NAALADL2: variants seen among roughly 807,000 people sequenced by gnomAD.
The protein encoded by NAALADL2 is inactive N-acetylated-alpha-linked acidic dipeptidase-like protein 2.
NAALADL2 carries 76 observed loss-of-function variants against 87.2 expected under a neutral mutation model. The observed-to-expected ratio is 0.87, with a 90% confidence interval of 0.72 to 1.05. NAALADL2 has a LOEUF of 1.05. Among genes scored for constraint, NAALADL2 ranks in the 50% least tolerant of loss-of-function variants. The pLI, the probability that NAALADL2 is intolerant of heterozygous loss-of-function variation, is 0.00. For synonymous variants in NAALADL2, 354 were observed against 331.0 expected, an observed-to-expected ratio of 1.07 and a Z score of -0.75; for missense variants, 1,089 against 945.8, an observed-to-expected ratio of 1.15 and a Z score of -1.99.
chr3:175,428,333 G>T (rs1307629025), intron 5 of NAALADL2, among the ~76,000 whole-genome samples: 1 of 152,074 alleles, frequency 6.6e-6, no homozygotes, highest in African/African-American at 2.4e-5. Context: ...TGAAATGAAG[G>T]AATTGTTTAC....
chr3:174,953,281 C>T, intron 1 of NAALADL2, among the ~76,000 whole-genome samples: 1 of 129,754 alleles, frequency 7.7e-6, no homozygotes, highest in Admixed American at 9.1e-5. Context: ...TTACTTAGGA[C>T]CCAATCTTTC....
chr3:174,898,108 G>A (rs1484378797), intron 1 of NAALADL2, among the ~76,000 whole-genome samples: 1 of 36,036 alleles, frequency 2.8e-5, no homozygotes, highest in Admixed American at 5.9e-4. Flanking sequence ...GCGAGACTCC[G>A]TCTCAAAAAA....
intron 3 of NAALADL2, among the ~76,000 whole-genome samples, chr3:175,247,287 C>CACACAT (rs3066299): frequency 0.21 from 31,283 of 151,302 alleles, 3,453 homozygotes; most frequent in Admixed American, 0.29. Context: ...CACACACACA[C>CACACAT]ATAAAACACA....
At chr3:174,791,375 A>G (rs1378206120) in intron 3 of NAALADL2, among the ~76,000 whole-genome samples, 2 of 152,186 alleles carry the variant, frequency 1.3e-5, no homozygotes, top group East Asian at 3.9e-4. Context: ...GTGCTCTTGT[A>G]AAAAAGGCCT....
At chr3:175,568,452 G>A (rs1717558386) in intron 9 of NAALADL2, among the ~76,000 whole-genome samples, 1 of 152,118 alleles carries the variant, frequency 6.6e-6, no homozygotes, top group Admixed American at 6.5e-5. Flanking sequence ...ATCCTAAAAA[G>A]GACACATTTA....
chr3:174,742,220 A>G (rs964987660), intron 3 of NAALADL2, among the ~76,000 whole-genome samples: 9 of 151,798 alleles, frequency 5.9e-5, no homozygotes, highest in African/African-American at 1.9e-4. Flanking sequence ...TTAAGATACT[A>G]TTTTGGGTAG....
intron 2 of NAALADL2, among the ~76,000 whole-genome samples, chr3:175,200,235 A>G (rs951499404): frequency 6.6e-6 from 1 of 152,070 alleles, no homozygotes; most frequent in Non-Finnish European, 1.5e-5. Flanking sequence ...GTGGGCCACA[A>G]CTGTGATCTT....
At chr3:175,149,061 T>C (rs1339407150) in intron 2 of NAALADL2, among the ~76,000 whole-genome samples, 2 of 152,190 alleles carry the variant, frequency 1.3e-5, no homozygotes, top group Non-Finnish European at 2.9e-5. Flanking sequence ...TTTAATGATA[T>C]TGATTTTTCC....
At chr3:175,596,570 T>G (rs1351731503) in intron 10 of NAALADL2, among the ~76,000 whole-genome samples, 1 of 151,962 alleles carries the variant, frequency 6.6e-6, no homozygotes, top group Non-Finnish European at 1.5e-5. Flanking sequence ...TTGCTATTCA[T>G]CTTTTGAGCG....
At chr3:174,752,272 G>C (rs542169992) in intron 3 of NAALADL2, among the ~76,000 whole-genome samples, 3 of 152,054 alleles carry the variant, frequency 2.0e-5, no homozygotes, top group Admixed American at 1.3e-4. Context: ...CACCGCGCCC[G>C]GCCCAGATCT....
chr3:174,733,488 T>G (rs1424936922), intron 2 of NAALADL2, among the ~76,000 whole-genome samples: 2 of 152,278 alleles, frequency 1.3e-5, no homozygotes, highest in African/African-American at 4.8e-5. Context: ...TATGCCATTT[T>G]AATCCAGTTA....
At chr3:174,997,840 AACAAC>A (rs1560458246) in intron 1 of NAALADL2, among the ~76,000 whole-genome samples, 5 of 151,516 alleles carry the variant, frequency 3.3e-5, no homozygotes, top group African/African-American at 1.2e-4. Context: ...AGCAAACAAC[AACAAC>A]AACAACAACA....
intron 11 of NAALADL2, among the ~76,000 whole-genome samples, chr3:175,687,871 T>C (rs995892032): frequency 6.6e-6 from 1 of 151,966 alleles, no homozygotes; most frequent in Non-Finnish European, 1.5e-5. Flanking sequence ...GATGCACCTG[T>C]TCCCCCTTCG....
At chr3:175,176,088 T>A (rs1035117658) in intron 2 of NAALADL2, among the ~76,000 whole-genome samples, 7 of 152,136 alleles carry the variant, frequency 4.6e-5, no homozygotes, top group African/African-American at 1.7e-4. Flanking sequence ...TTTATTTGAA[T>A]GTGTGCATTT....
chr3:174,446,579 A>ATG (rs954268689), intron 1 of NAALADL2, among the ~76,000 whole-genome samples: 10 of 152,016 alleles, frequency 6.6e-5, no homozygotes, highest in Non-Finnish European at 1.5e-4. Context: ...TTTAAATAGT[A>ATG]TGTGTGTGTG....
intron 5 of NAALADL2, among the ~76,000 whole-genome samples, chr3:175,436,253 T>A (rs1581876750): frequency 6.9e-6 from 1 of 145,358 alleles, no homozygotes; most frequent in South Asian, 2.2e-4. Flanking sequence ...TCTATCATTG[T>A]TGGACATTTG....
chr3:175,761,164 T>A (rs906053557), intron 13 of NAALADL2, among the ~76,000 whole-genome samples: 3 of 151,704 alleles, frequency 2.0e-5, no homozygotes, highest in African/African-American at 7.3e-5. Flanking sequence ...TGTTGCAGGG[T>A]CATATAGAAT....
chr3:174,593,935 C>T (rs1042078197), intron 2 of NAALADL2, among the ~76,000 whole-genome samples: 35 of 152,190 alleles, frequency 2.3e-4, no homozygotes, highest in African/African-American at 8.4e-4. Context: ...GTTCTGTGAG[C>T]CCTAGCATGT....
intron 5 of NAALADL2, among the ~76,000 whole-genome samples, chr3:175,389,855 A>G (rs978219147): frequency 2.0e-5 from 3 of 152,166 alleles, no homozygotes; most frequent in Admixed American, 6.5e-5. Context: ...GTTTCTTACA[A>G]ACACTAGAAG....
Sources: gnomAD v4.1 joint callset for allele counts (sites outside exome capture counted in the v4.1 genomes callset) on GRCh38, gnomAD v4.1.1 for gene constraint, MANE v1.5 for transcripts, NCBI Gene and HGNC (gene_info 2026-07-23, HGNC 2026-07-21) for gene names.